Variants in PDZD7 observed in about 807,000 individuals in gnomAD.
The protein encoded by PDZD7 is PDZ domain containing 7, also known as PDZ domain-containing protein 7.
Under a neutral mutation model 84.7 loss-of-function variants are expected in PDZD7, and 72 were observed. The observed-to-expected ratio is 0.85, with a 90% CI of 0.70 to 1.03. PDZD7 has a LOEUF of 1.03. Ranked by LOEUF, PDZD7 falls within the 50% of genes least tolerant of loss-of-function variation. The probability of loss-of-function intolerance (pLI) is 0.00; values close to 1 mark genes in which losing one functional copy is unlikely to be tolerated. For synonymous variants in PDZD7, 594 were observed against 580.7 expected, an observed-to-expected ratio of 1.02 and a Z score of -0.33; for missense variants, 1,490 against 1,412.9, an observed-to-expected ratio of 1.05 and a Z score of -0.87.
intron 2 of PDZD7, among the ~76,000 whole-genome samples, chr10:101,025,737 C>T (rs1365820066): frequency 9.3e-5 from 14 of 149,784 alleles, no homozygotes; most frequent in South Asian, 4.2e-4. Context: ...TTAGTAGAGA[C>T]GGGGTTTCAC....
intron 14 of PDZD7, 133 bp from the exon 15 acceptor site, chr10:101,011,016 C>G (rs888658985): frequency 8.5e-5 from 126 of 1,479,284 alleles, no homozygotes; most frequent in Non-Finnish European, 1.1e-4. Flanking sequence ...GCCCACCCAC[C>G]GGGGAGGCAG....
At chr10:101,016,234 A>G in intron 10 of PDZD7, 143 bp downstream of exon 10, 2 of 842,498 alleles carry the variant, frequency 2.4e-6, no homozygotes, top group East Asian at 5.3e-5. Flanking sequence ...AGCTGCCCCC[A>G]ATACATACCA....
intron 2 of PDZD7, among the ~76,000 whole-genome samples, chr10:101,026,289 C>T (rs1346391267): frequency 6.6e-6 from 1 of 152,126 alleles, no homozygotes; most frequent in African/African-American, 2.4e-5. Flanking sequence ...CATGTGCCAC[C>T]ATGCCGGGCA....
intron 15 of PDZD7, 93 bp downstream of exon 15, chr10:101,010,179 G>A: frequency 7.1e-7 from 1 of 1,412,962 alleles, no homozygotes; most frequent in Non-Finnish European, 9.3e-7. Flanking sequence ...ACAGGTGTGA[G>A]CCTCTGCGCC....
At chr10:101,021,083 T>C (rs1336673425) in intron 6 of PDZD7, among the ~76,000 whole-genome samples, 1 of 152,004 alleles carries the variant, frequency 6.6e-6, no homozygotes, top group Non-Finnish European at 1.5e-5. Context: ...TGCTCAAAAA[T>C]ATTGTTGAAT....
At chr10:101,016,317 T>A (rs1167280475) in intron 10 of PDZD7, 60 bp downstream of exon 10, 1 of 1,525,774 alleles carries the variant, frequency 6.6e-7, no homozygotes, top group African/African-American at 1.4e-5. Context: ...GCCCCCAGTA[T>A]GCACCCTCAT....
At chr10:101,015,496 G>A in intron 11 of PDZD7, 140 bp downstream of exon 11, 1 of 886,122 alleles carries the variant, frequency 1.1e-6, no homozygotes, top group Middle Eastern at 3.1e-4. Flanking sequence ...GTGTGTGACA[G>A]GAGTGACTTC....
chr10:101,011,087 C>T (rs1852380487), intron 14 of PDZD7: 1 of 1,414,734 alleles, frequency 7.1e-7, no homozygotes, highest in Admixed American at 2.9e-5. Flanking sequence ...CACTCTGTTG[C>T]CCAGGCGTGG....
At chr10:101,010,202 C>A (rs2133997210) in intron 15 of PDZD7, 70 bp downstream of exon 15, 1 of 1,455,948 alleles carries the variant, frequency 6.9e-7, no homozygotes, top group South Asian at 1.4e-5. Context: ...GCCCAATACT[C>A]CTCCAGATTC....
rs141118065 is a variant in PDZD7 at position 101,019,542 on chromosome 10, GCCTCCTCCT to G, written c.929-334_929-326del. ...TGCTTCCCCTTCTGCTTCTGCTTCT[GCCTCCTCCT>G]CCTCCTCCTCCTCCTCCTCCTCCTC... On this transcript the variant is annotated intron_variant, in intron 7 of 16. Transcript: ENST00000619208. 2.3e-3 allele frequency among the ~76,000 whole-genome samples: 208 copies of G among 89,308 alleles called. 3 individuals carry two copies. The highest frequency in any genetic ancestry group is 4.7e-3 in the African/African-American group (166 of 35,008). The allele number at this position is 89,308 out of a possible 152,430, so 58.6% of individuals were successfully genotyped here.
intron 11 of PDZD7, among the ~76,000 whole-genome samples, 160 bp downstream of exon 11, chr10:101,015,476 G>A (rs1465000627): frequency 6.6e-6 from 1 of 152,080 alleles, no homozygotes; most frequent in Non-Finnish European, 1.5e-5. Context: ...GTGTGTGTGT[G>A]TGTGTGTGTG....
At position 101,019,090 on chromosome 10, in the gene PDZD7, C is replaced by T. The variant is rs766907488; in HGVS notation, c.1056G>A (p.Gly352=). The T allele has an allele frequency of 4.5e-6, 7 of 1,563,920 alleles. No individual in the cohort carries two copies. The highest frequency in any genetic ancestry group is 6.0e-6 in the Non-Finnish European group (7 of 1,162,028). The change falls in exon 8 of 17, where the codon GGG becomes GGA. Residue 352 remains glycine (G), a synonymous_variant. Coordinates refer to ENST00000619208, the MANE Select transcript of PDZD7 (RefSeq NM_001195263.2). ...LPSDRMDICL[G]QEEPGSRGPG... is the part of the protein sequence containing the mutation. ...GGCCGCGGCTGCCGGGCTCCTCCTG[C>T]CCGAGGCAGATGTCCATGCGGTCCG...
intron 2 of PDZD7, among the ~76,000 whole-genome samples, chr10:101,028,621 G>A (rs933326835): frequency 1.4e-4 from 21 of 150,960 alleles, no homozygotes; most frequent in Non-Finnish European, 3.0e-4. Flanking sequence ...AAAAAAAGAC[G>A]TTATAAACAG....
Position 101,017,064 on chromosome 10 carries a change from G to A in PDZD7, c.1523-637C>T, listed in dbSNP as rs150405862. Among the ~76,000 whole-genome samples the A allele has an allele frequency of 1.2e-3, 181 of 152,226 alleles. 2 individuals carry two copies. Among genetic ancestry groups the A allele is most frequent in the African/African-American group, 4.2e-3 (173 of 41,548 alleles). ...CCACCCCACTCTGTTCTTAGCCCGTGTACTCCAGGGTGGGTACATGACCCA... is the reference window on the plus strand; with the variant it reads ...CCACCCCACTCTGTTCTTAGCCCGTATACTCCAGGGTGGGTACATGACCCA... On this transcript the variant is annotated intron_variant, in intron 9 of 16. Coordinates refer to ENST00000619208, the MANE Select transcript of PDZD7 (RefSeq NM_001195263.2).
At chr10:101,015,012 G>A (rs1331221840) in intron 11 of PDZD7, among the ~76,000 whole-genome samples, 1 of 152,242 alleles carries the variant, frequency 6.6e-6, no homozygotes, top group Non-Finnish European at 1.5e-5. Flanking sequence ...TCCCCAACAG[G>A]TGGGCCCCAG....
In PDZD7 at chr10:101,008,517, C is replaced by A; in HGVS notation, c.3052G>T (p.Ala1018Ser). 6.5e-7 allele frequency: 1 copy of A among 1,528,106 alleles called. No individual in the cohort carries two copies. Among genetic ancestry groups the A allele is most frequent in the Non-Finnish European group, 8.7e-7 (1 of 1,143,344 alleles). The allele number at this position is 1,528,106 out of a possible 1,614,324, so 94.7% of individuals were successfully genotyped here. ...QPTPSPAPSPALQTPDSKPAP... is the reference protein window; with the variant it reads ...QPTPSPAPSPSLQTPDSKPAP... Reference sequence around the variant, plus strand: ...GGCTTAGAATCAGGAGTCTGGAGGGCTGGGGAGGGGGCTGGGCTGGGAGTT... The same window carrying A: ...GGCTTAGAATCAGGAGTCTGGAGGGATGGGGAGGGGGCTGGGCTGGGAGTT... The change falls in exon 17 of 17, where the codon GCC (alanine) becomes TCC (serine). Residue 1018 changes from alanine (A) to serine (S), a missense_variant. Coordinates refer to ENST00000619208, the MANE Select transcript of PDZD7 (RefSeq NM_001195263.2).
chr10:101,028,593 T>G lies in PDZD7; in HGVS notation c.226+1401A>C, dbSNP rs1937858228. Among the ~76,000 whole-genome samples, 3 of 140,510 alleles carry G rather than the reference T, an allele frequency of 2.1e-5. No individual in the cohort carries two copies. The South Asian group carries it at 7.4e-4, about 35-fold the overall frequency. 92.2% of individuals were successfully genotyped at this position (140,510 alleles called of 152,430 possible). A position where few individuals can be genotyped will look rare whatever the true frequency, so the allele number is the denominator to read the frequency against. On this transcript the variant is annotated intron_variant, in intron 2 of 16. Coordinates refer to ENST00000619208, the MANE Select transcript of PDZD7 (RefSeq NM_001195263.2). ...TTGGGTGAGCGACAGAGCAAGACCCTTTCCCTCTTAAAAAAAAAAAAAAAG... is the reference window on the plus strand; with the variant it reads ...TTGGGTGAGCGACAGAGCAAGACCCGTTCCCTCTTAAAAAAAAAAAAAAAG...
intron 2 of PDZD7, among the ~76,000 whole-genome samples, chr10:101,028,737 GAC>G (rs1304741910): frequency 6.6e-6 from 1 of 152,190 alleles, no homozygotes; most frequent in Admixed American, 6.5e-5. Context: ...GACTAATAAA[GAC>G]AGTTATGCGG....
At chr10:101,017,752 C>G in intron 9 of PDZD7, 1 of 552,130 alleles carries the variant, frequency 1.8e-6, no homozygotes, top group Non-Finnish European at 3.2e-6. Flanking sequence ...TGCCATTACA[C>G]TCTCGCCTGG....
Sources: allele counts gnomAD v4.1 joint callset (sites outside exome capture counted in the v4.1 genomes callset), GRCh38; gene constraint gnomAD v4.1.1; transcripts MANE v1.5; gene names NCBI Gene and HGNC (gene_info 2026-07-23, HGNC 2026-07-21).